Variants in MAP2K5 observed in about 807,000 individuals in gnomAD.
The protein encoded by MAP2K5 is dual specificity mitogen-activated protein kinase kinase 5.
MAP2K5 carries 49 observed loss-of-function variants against 83.1 expected under a neutral mutation model. That is an observed-to-expected ratio of 0.59 (90% CI 0.47 to 0.75). The LOEUF (loss-of-function observed/expected upper bound fraction) is 0.75, where lower values mean the gene tolerates loss of function less well. Among genes scored for constraint, MAP2K5 ranks in the 30% least tolerant of loss-of-function variants. The pLI, the probability that MAP2K5 is intolerant of heterozygous loss-of-function variation, is 0.00. For missense variants in MAP2K5, 457 were observed against 557.5 expected, an observed-to-expected ratio of 0.82 and a Z score of 1.82; for synonymous variants, 202 against 191.8, an observed-to-expected ratio of 1.05 and a Z score of -0.44.
chr15:67,584,351 G>A (rs1348645252), intron 4 of MAP2K5, among the ~76,000 whole-genome samples: 1 of 152,144 alleles, frequency 6.6e-6, no homozygotes. Flanking sequence ...TCCTTGGCTA[G>A]CCACTTTGTT....
intron 8 of MAP2K5, chr15:67,628,251 G>A: frequency 3.3e-6 from 2 of 609,410 alleles, no homozygotes; most frequent in Non-Finnish European, 5.9e-6. Flanking sequence ...GGAGGCTGAG[G>A]TGGGCAGATC....
chr15:67,587,510 C>T lies in MAP2K5; in HGVS notation c.431+597C>T, dbSNP rs1384148487. Among the ~76,000 whole-genome samples, 1 of 152,138 alleles carries T rather than the reference C, an allele frequency of 6.6e-6. No individual in the cohort carries two copies. The highest frequency in any genetic ancestry group is 2.4e-5 in the African/African-American group (1 of 41,424). ...CTCCTTTAATGTTTGACTTCCTACT[C>T]CTTGCCAAATGGTCATCAAATCTCT... is the stretch of plus-strand genomic sequence containing the variant. On this transcript the variant is annotated intron_variant, in intron 6 of 21. Coordinates refer to ENST00000178640, the MANE Select transcript of MAP2K5 (RefSeq NM_145160.3). This position sits in a 1 kb window ranked among gnomAD's most constrained non-coding sequence, Gnocchi z 4.8.
chr15:67,767,578 A>T (rs2090064140), intron 19 of MAP2K5, among the ~76,000 whole-genome samples: 1 of 152,204 alleles, frequency 6.6e-6, no homozygotes, highest in African/African-American at 2.4e-5. Flanking sequence ...GGTTTTTGAG[A>T]CAGTAAAATG....
At chr15:67,568,302 A>G (rs1249235092) in intron 3 of MAP2K5, among the ~76,000 whole-genome samples, 1 of 152,154 alleles carries the variant, frequency 6.6e-6, no homozygotes, top group African/African-American at 2.4e-5. Context: ...GTTGAGTACT[A>G]TGAGGGAAAA....
At chr15:67,631,746 A>G (rs1215766760) in intron 9 of MAP2K5, among the ~76,000 whole-genome samples, 1 of 152,192 alleles carries the variant, frequency 6.6e-6, no homozygotes, top group Non-Finnish European at 1.5e-5. Flanking sequence ...AATCTCTGCC[A>G]CTGCTGGCGC....
chr15:67,771,127 GGT>G (rs2090132583), intron 20 of MAP2K5, among the ~76,000 whole-genome samples: 2 of 1,116 alleles, frequency 1.8e-3, no homozygotes, highest in East Asian at 0.034. Flanking sequence ...TAAAACACAT[GGT>G]AATGTGTACC....
intron 21 of MAP2K5, among the ~76,000 whole-genome samples, chr15:67,791,500 T>C (rs1039026761): frequency 1.5e-4 from 23 of 152,218 alleles, no homozygotes; most frequent in African/African-American, 5.1e-4. Flanking sequence ...GATAGGGCTT[T>C]TGGAGATCAC....
In MAP2K5 at chr15:67,628,512, C is replaced by T. The variant is rs2086380850; in HGVS notation, c.546-2376C>T. 6.7e-5 allele frequency: 49 copies of T among 729,336 alleles called. 1 individual carries two copies. The South Asian group carries it at 7.8e-4, about 12-fold the overall frequency. 45.2% of individuals were successfully genotyped at this position (729,336 alleles called of 1,614,324 possible). A position where few individuals can be genotyped will look rare whatever the true frequency, so the allele number is the denominator to read the frequency against. On this transcript the variant is annotated intron_variant, in intron 8 of 21. Transcript: ENST00000178640. Reference sequence around the variant, plus strand: ...ATAAAAATAAAAAATAAAAAAAAGACACTGAGGAATATCACCTAAGAGATT... The same window carrying T: ...ATAAAAATAAAAAATAAAAAAAAGATACTGAGGAATATCACCTAAGAGATT...
Position 67,769,990 on chromosome 15 carries a change from G to A in MAP2K5, c.1196+327G>A, listed in dbSNP as rs1457901081. 1.5e-5 allele frequency: 3 copies of A among 195,826 alleles called. No homozygotes were observed. The highest frequency in any genetic ancestry group is 1.5e-4 in the South Asian group (1 of 6,774). 12.1% of individuals were successfully genotyped at this position (195,826 alleles called of 1,614,324 possible). On this transcript the variant is annotated intron_variant, in intron 20 of 21. Transcript: ENST00000178640. This position sits in a 1 kb window ranked among gnomAD's most constrained non-coding sequence, Gnocchi z 5.2. ...ATTTTATAGCCCCTACTGAACGGAC[G>A]TACGAAGCTTATTTTTATTAATGTA...
At chr15:67,547,455 CTTTTTTT>C (rs398057779) in intron 1 of MAP2K5, among the ~76,000 whole-genome samples, 95 of 128,762 alleles carry the variant, frequency 7.4e-4, no homozygotes, top group African/African-American at 1.7e-3. Flanking sequence ...TTTCTTTTTT[CTTTTTTT>C]TTTTTTTTTT....
chr15:67,581,617 A>T (rs1241561890), intron 4 of MAP2K5, among the ~76,000 whole-genome samples: 2 of 152,220 alleles, frequency 1.3e-5, no homozygotes, highest in Non-Finnish European at 2.9e-5. Flanking sequence ...TAATTGAAAT[A>T]ATTAAAAGTT....
chr15:67,557,971 T>A (rs192449116), intron 2 of MAP2K5, among the ~76,000 whole-genome samples: 49 of 152,368 alleles, frequency 3.2e-4, no homozygotes, highest in African/African-American at 1.2e-3. Flanking sequence ...ATGTAAGAGT[T>A]AATTATGCAT....
intron 8 of MAP2K5, among the ~76,000 whole-genome samples, chr15:67,612,073 C>CTT (rs57650533): frequency 1.9e-4 from 22 of 117,220 alleles, no homozygotes; most frequent in African/African-American, 4.9e-4. Flanking sequence ...CTTTGGTTTT[C>CTT]TTTTTTTTTT....
At chr15:67,716,104 C>G (rs2088821554) in intron 16 of MAP2K5, among the ~76,000 whole-genome samples, 1 of 152,134 alleles carries the variant, frequency 6.6e-6, no homozygotes, top group East Asian at 1.9e-4. Flanking sequence ...CTGCTGAGAA[C>G]AAAACTGACA....
chr15:67,575,973 G>A (rs1465432037), intron 3 of MAP2K5, among the ~76,000 whole-genome samples: 1 of 134,186 alleles, frequency 7.5e-6, no homozygotes, highest in African/African-American at 3.0e-5. Context: ...AGGCTGGAGT[G>A]CAATGGCACG....
chr15:67,656,326 A>AT (rs11411357), intron 11 of MAP2K5, among the ~76,000 whole-genome samples: 93,304 of 143,432 alleles, frequency 0.65, 31,274 homozygotes, highest in Middle Eastern at 0.74. Context: ...AAACCTTTTA[A>AT]TTTTTTTTTT....
At chr15:67,628,018 T>G (rs1178614754) in intron 8 of MAP2K5, 1 of 750,542 alleles carries the variant, frequency 1.3e-6, no homozygotes, top group East Asian at 3.0e-5. Flanking sequence ...TCCTGGGGCT[T>G]TGGGTTTGTC....
chr15:67,624,783 C>A (rs1471561170), intron 8 of MAP2K5, among the ~76,000 whole-genome samples: 1 of 77,878 alleles, frequency 1.3e-5, no homozygotes, highest in Non-Finnish European at 3.2e-5. Context: ...GCATCCGCCA[C>A]CAGGCCTGGT....
At position 67,593,303 on chromosome 15, in the gene MAP2K5, G is replaced by T. The variant is rs138540364; in HGVS notation, c.480+329G>T. On this transcript the variant is annotated intron_variant, in intron 7 of 21. Coordinates refer to ENST00000178640, the MANE Select transcript of MAP2K5 (RefSeq NM_145160.3). ...GGTGACTGTTTCTTTCATTATCTTT[G>T]GGGAGAAAAGGAAAAACCATTACTT... Among the ~76,000 whole-genome samples, 20 of 152,192 alleles carry T rather than the reference G, an allele frequency of 1.3e-4. No individual in the cohort carries two copies. In the East Asian group the frequency reaches 3.5e-3, roughly 26 times the overall value.
Sources: allele counts gnomAD v4.1 joint callset (sites outside exome capture counted in the v4.1 genomes callset), GRCh38; gene constraint gnomAD v4.1.1; non-coding constraint Gnocchi (gnomAD v3.1); transcripts MANE v1.5; gene names NCBI Gene and HGNC (gene_info 2026-07-23, HGNC 2026-07-21).